C3orf33: variants seen among roughly 807,000 people sequenced by gnomAD.
The protein encoded by C3orf33 is AP-1 activity suppressor.
C3orf33 carries 23 observed loss-of-function variants against 28.7 expected under a neutral mutation model. That is an observed-to-expected ratio of 0.80 (90% CI 0.58 to 1.13). C3orf33 has a LOEUF of 1.13. Among genes scored for constraint, C3orf33 ranks in the 50% most tolerant of loss-of-function variants. The pLI is 0.00. For synonymous variants in C3orf33, 119 were observed against 120.5 expected (o/e 0.99, Z 0.08); for missense variants, 327 against 353.4 (o/e 0.93, Z 0.60).
chr3:155,763,513 C>T lies in C3orf33; in HGVS notation c.*4G>A, dbSNP rs569598290. ...GAAGGTTACCTCTAGATTTCTTGACCGTTTCACCCTTTTCTACGAAAGTTT... is the reference window on the plus strand; with the variant it reads ...GAAGGTTACCTCTAGATTTCTTGACTGTTTCACCCTTTTCTACGAAAGTTT... On this transcript the variant is annotated 3_prime_UTR_variant, in exon 5 of 5. Transcript: ENST00000340171. 1.0e-5 allele frequency: 15 copies of T among 1,468,512 alleles called. No homozygotes were observed. Among genetic ancestry groups the T allele is most frequent in the South Asian group, 1.6e-5 (1 of 62,868 alleles). 91.0% of individuals were successfully genotyped at this position (1,468,512 alleles called of 1,614,324 possible). A position where few individuals can be genotyped will look rare whatever the true frequency, so the allele number is the denominator to read the frequency against.
chr3:155,786,243 G>A (rs1477341776), intron 2 of C3orf33, among the ~76,000 whole-genome samples: 1 of 151,944 alleles, frequency 6.6e-6, no homozygotes, highest in Non-Finnish European at 1.5e-5. Context: ...TAAACCCAAA[G>A]CTAGCAGAAG....
At chr3:155,777,912 G>A (rs150675391) in intron 2 of C3orf33, among the ~76,000 whole-genome samples, 1,781 of 152,182 alleles carry the variant, frequency 0.012, 46 homozygotes, top group African/African-American at 0.041. Context: ...AGCATTTTGG[G>A]AGGCCGAGGA....
At chr3:155,772,514 T>C (rs1347996086) in intron 3 of C3orf33, among the ~76,000 whole-genome samples, 3 of 151,966 alleles carry the variant, frequency 2.0e-5, no homozygotes, top group Admixed American at 6.6e-5. Flanking sequence ...CATGACAATG[T>C]ACAACTTCAT....
intron 2 of C3orf33, among the ~76,000 whole-genome samples, chr3:155,782,142 T>C (rs887883163): frequency 4.8e-5 from 7 of 145,182 alleles, no homozygotes; most frequent in Non-Finnish European, 7.4e-5. Context: ...CACTCCAGCC[T>C]GGGCGACAAA....
chr3:155,772,359 G>A (rs1371734399), intron 3 of C3orf33, among the ~76,000 whole-genome samples: 1 of 152,118 alleles, frequency 6.6e-6, no homozygotes, highest in African/African-American at 2.4e-5. Flanking sequence ...ACCCCAACTA[G>A]GGATACTGTT....
At chr3:155,764,509 C>T (rs761590499) in intron 4 of C3orf33, among the ~76,000 whole-genome samples, 10 of 151,926 alleles carry the variant, frequency 6.6e-5, no homozygotes, top group Non-Finnish European at 1.0e-4. Context: ...ACCTCACCTC[C>T]TAATGAAACT....
rs555062484 is a variant in C3orf33 at position 155,803,033 on chromosome 3, C to A, written c.115-442G>T. ...ACAGTACCCATAGTAATTAGTATAA[C>A]CTTGCATCCATAGTAGGAATTTAAG... is the stretch of plus-strand genomic sequence containing the variant. On this transcript the variant is annotated intron_variant, in intron 1 of 4. Coordinates refer to ENST00000340171, the MANE Select transcript of C3orf33 (RefSeq NM_001308229.2). Among the ~76,000 whole-genome samples, 9 of 152,142 alleles carry A rather than the reference C, an allele frequency of 5.9e-5. No homozygotes were observed. In the South Asian group the frequency reaches 1.5e-3, roughly 25 times the overall value.
rs1228178101 is a variant in C3orf33, at chr3:155,788,147, T to C, written c.175-12299A>G. 2.7e-5 allele frequency among the ~76,000 whole-genome samples: 4 copies of C among 150,744 alleles called. No homozygotes were observed. In the South Asian group the frequency reaches 6.3e-4, roughly 24 times the overall value. On this transcript the variant is annotated intron_variant, in intron 2 of 4. Coordinates refer to ENST00000340171, the MANE Select transcript of C3orf33 (RefSeq NM_001308229.2). ...CGGAGCTTACAGTGAGCCGAGATTGTGCCACTGCACTCCAGCCTGGGCGAC... is the reference window on the plus strand; with the variant it reads ...CGGAGCTTACAGTGAGCCGAGATTGCGCCACTGCACTCCAGCCTGGGCGAC...
intron 2 of C3orf33, among the ~76,000 whole-genome samples, chr3:155,782,697 A>G (rs116593865): frequency 0.016 from 2,428 of 152,342 alleles, 29 homozygotes; most frequent in South Asian, 0.041. Context: ...GGATAAATAC[A>G]AGCCAAGAAA....
chr3:155,782,054 A>C (rs374756328), intron 2 of C3orf33, among the ~76,000 whole-genome samples: 2 of 151,976 alleles, frequency 1.3e-5, no homozygotes, highest in African/African-American at 4.8e-5. Flanking sequence ...TCTACTAAAA[A>C]TACAAAATTA....
At chr3:155,794,835 G>A (rs1751430673) in intron 2 of C3orf33, among the ~76,000 whole-genome samples, 1 of 152,078 alleles carries the variant, frequency 6.6e-6, no homozygotes, top group African/African-American at 2.4e-5. Flanking sequence ...TAATGATAAA[G>A]GGGTCAATTC....
chr3:155,796,386 T>C (rs1319658699), intron 2 of C3orf33, among the ~76,000 whole-genome samples: 1 of 152,096 alleles, frequency 6.6e-6, no homozygotes, highest in Non-Finnish European at 1.5e-5. Flanking sequence ...TGCCAATAAG[T>C]TGGAAAACCT....
intron 2 of C3orf33, among the ~76,000 whole-genome samples, chr3:155,776,695 A>T (rs2109259138): frequency 6.7e-6 from 1 of 149,428 alleles, no homozygotes; most frequent in East Asian, 2.0e-4. Context: ...GTTTAAGGTT[A>T]CAGTGAGCCA....
At position 155,763,775 on chromosome 3, in the gene C3orf33, T is replaced by A; in HGVS notation, c.627A>T (p.Leu209Phe). ...CCTTCCATATTCCTTCTCCTTTTTT[T>A]AAGGCTGTTAATTCAGCTTTAAGTA... ...RNLLKAELTALKKGEGIWKED... is the reference protein window; with the variant it reads ...RNLLKAELTAFKKGEGIWKED... Residue 209 changes from leucine to phenylalanine, a missense_variant, in exon 5 of 5, where the codon TTA becomes TTT. By Grantham distance (22) the Leu-to-Phe change is conservative. Transcript: ENST00000340171. The A allele has an allele frequency of 6.2e-7, 1 of 1,606,374 alleles. No homozygotes were observed.
intron 2 of C3orf33, among the ~76,000 whole-genome samples, chr3:155,783,330 T>C (rs972328492): frequency 2.6e-4 from 39 of 151,986 alleles, no homozygotes. Context: ...ACTTTTTGTA[T>C]TTTTAGTAGA....
chr3:155,803,381 C>T (rs542233162), intron 1 of C3orf33, among the ~76,000 whole-genome samples: 3 of 151,736 alleles, frequency 2.0e-5, no homozygotes, highest in African/African-American at 4.8e-5. Context: ...CTGACTAAAA[C>T]GGTGAAACCT....
At chr3:155,800,633 A>AAAAAAAAAAAAAAAAAAAAAAAAC (rs1751618566) in intron 2 of C3orf33, among the ~76,000 whole-genome samples, 1 of 147,206 alleles carries the variant, frequency 6.8e-6, no homozygotes, top group South Asian at 2.1e-4. Flanking sequence ...AAAAAAAAAA[A>AAAAAAAAAAAAAAAAAAAAAAAAC]AAAAAAAAGG....
Position 155,772,772 on chromosome 3 carries a change from C to CTGTGTGTGTGTG in C3orf33, c.322+2917_322+2928dup, listed in dbSNP as rs60966459. Reference sequence around the variant, plus strand: ...TTTCAGTTCATAAAATTTTTAGGCTCTGTGTGTGTGTGTGTGTGTGTGTGT... The same window carrying CTGTGTGTGTGTG: ...TTTCAGTTCATAAAATTTTTAGGCTCTGTGTGTGTGTGTGTGTGTGTGTGTGTGTGTGTGTGT... On this transcript the variant is annotated intron_variant, in intron 3 of 4. Transcript: ENST00000340171. Among the ~76,000 whole-genome samples, 1,378 of 142,196 alleles carry CTGTGTGTGTGTG rather than the reference C, an allele frequency of 9.7e-3. 13 individuals are homozygous for CTGTGTGTGTGTG. Among genetic ancestry groups the CTGTGTGTGTGTG allele is most frequent in the Non-Finnish European group, 0.011 (709 of 65,820 alleles). The allele number at this position is 142,196 out of a possible 152,430, so 93.3% of individuals were successfully genotyped here. A position where few individuals can be genotyped will look rare whatever the true frequency, so the allele number is the denominator to read the frequency against.
At chr3:155,780,744 A>T (rs1387223176) in intron 2 of C3orf33, among the ~76,000 whole-genome samples, 1 of 152,064 alleles carries the variant, frequency 6.6e-6, no homozygotes, top group Non-Finnish European at 1.5e-5. Flanking sequence ...TTCCAGGTAG[A>T]GGTGGCTATG....
Sources: allele counts gnomAD v4.1 joint callset (sites outside exome capture counted in the v4.1 genomes callset), GRCh38; gene constraint gnomAD v4.1.1; transcripts MANE v1.5; gene names NCBI Gene and HGNC (gene_info 2026-07-23, HGNC 2026-07-21).